MICU3: variants seen among roughly 807,000 people sequenced by gnomAD.
The protein encoded by MICU3 is mitochondrial calcium uptake 3, also known as calcium uptake protein 3, mitochondrial.
A neutral mutation model predicts 66.5 loss-of-function variants in MICU3; 62 were observed. The ratio of observed to expected loss-of-function variants is 0.93; its 90% CI spans 0.76 to 1.15. The LOEUF (loss-of-function observed/expected upper bound fraction) is 1.15, where lower values mean the gene tolerates loss of function less well. Among genes scored for constraint, MICU3 ranks in the 50% most tolerant of loss-of-function variants. The pLI, the probability that MICU3 is intolerant of heterozygous loss-of-function variation, is 0.00. For missense variants in MICU3, 779 were observed against 664.4 expected (o/e 1.17, Z -1.90); for synonymous variants, 308 against 240.7 (o/e 1.28, Z -2.59).
At chr8:17,077,192 G>C (rs1440681643) in intron 3 of MICU3, among the ~76,000 whole-genome samples, 1 of 152,130 alleles carries the variant, frequency 6.6e-6, no homozygotes, top group East Asian at 1.9e-4. Context: ...GTTAAAATTA[G>C]AAACAAATTG....
At chr8:17,081,860 C>T (rs1821237725) in intron 5 of MICU3, 120 bp downstream of exon 5, 2 of 580,888 alleles carry the variant, frequency 3.4e-6, no homozygotes, top group African/African-American at 1.9e-5. Context: ...CTGCAAAATT[C>T]ATGTTTAATG....
rs1223389212 is a variant in MICU3 at position 17,104,723 on chromosome 8, C to T, written c.1085+232C>T. On this transcript the variant is annotated intron_variant, in intron 10 of 14. Transcript: ENST00000318063. ...AAAAATTCCAGATATCGGCCGGGCG[C>T]GGTGGCTCACGCCTGTAATCCCAGC... Among the ~76,000 whole-genome samples, 3 of 35,232 alleles carry T rather than the reference C, an allele frequency of 8.5e-5. 1 individual carries two copies. Among genetic ancestry groups the T allele is most frequent in the Non-Finnish European group, 1.4e-4 (3 of 22,182 alleles). 23.1% of individuals were successfully genotyped at this position (35,232 alleles called of 152,430 possible). A position where few individuals can be genotyped will look rare whatever the true frequency, so the allele number is the denominator to read the frequency against.
At chr8:17,052,428 T>G (rs1234299207) in intron 1 of MICU3, among the ~76,000 whole-genome samples, 1 of 152,204 alleles carries the variant, frequency 6.6e-6, no homozygotes, top group African/African-American at 2.4e-5. Flanking sequence ...CACCCTACTG[T>G]GCTATTGAAC....
At chr8:17,069,910 C>G (rs1286766510) in intron 3 of MICU3, among the ~76,000 whole-genome samples, 191 bp downstream of exon 3, 1 of 151,810 alleles carries the variant, frequency 6.6e-6, no homozygotes, top group Non-Finnish European at 1.5e-5. Context: ...GTGGACGTTT[C>G]TAAGGGCTGG....
chr8:17,094,020 C>T (rs759320211), intron 8 of MICU3, among the ~76,000 whole-genome samples: 1 of 151,960 alleles, frequency 6.6e-6, no homozygotes, highest in African/African-American at 2.4e-5. Context: ...CCCTCAATGT[C>T]CTTCAAAAGA....
intron 9 of MICU3, among the ~76,000 whole-genome samples, chr8:17,102,998 A>G (rs1044148018): frequency 7.2e-5 from 11 of 152,018 alleles, no homozygotes; most frequent in African/African-American, 1.2e-4. Context: ...GTCGATTACT[A>G]AAGAATGTCA....
In MICU3 at chr8:17,069,689, T is replaced by A; in HGVS notation, c.537T>A (p.Val179=). 1.3e-6 allele frequency: 2 copies of A among 1,534,670 alleles called. No individual in the cohort carries two copies. The highest frequency in any genetic ancestry group is 2.6e-5 in the South Asian group (2 of 78,330). ...TTATCTTACATTTGTTTATTTTAGT[T>A]GCCAAAACTTGGAAGTCACTTTCCA... The part of the protein sequence containing the change: ...ILAVTTDEPK[V]AKTWKSLSKQ... Residue 179 remains valine (V), a splice_region_variant and synonymous_variant, in exon 3 of 15, where the codon GTT becomes GTA. Coordinates refer to ENST00000318063, the MANE Select transcript of MICU3 (RefSeq NM_181723.3).
At chr8:17,126,604 G>A (rs1348846945), downstream of MICU3, among the ~76,000 whole-genome samples, 2 of 152,160 alleles carry the variant, frequency 1.3e-5, no homozygotes, top group African/African-American at 4.8e-5. Context: ...AGTATTGTTA[G>A]CATGGGTATG....
chr8:17,095,332 A>G (rs1306492722), intron 8 of MICU3, among the ~76,000 whole-genome samples: 2 of 151,774 alleles, frequency 1.3e-5, no homozygotes, highest in Non-Finnish European at 2.9e-5. Flanking sequence ...TCCTGGGAGG[A>G]TTGTATTCAG....
chr8:17,114,138 A>G lies in MICU3; in HGVS notation c.1303A>G (p.Asn435Asp), dbSNP rs1041369945. The G allele has an allele frequency of 1.2e-6, 2 of 1,612,520 alleles. No individual in the cohort carries two copies. Among genetic ancestry groups the G allele is most frequent in the Non-Finnish European group, 1.7e-6 (2 of 1,179,274 alleles). ...CAGGTCATTTTTCCAGTTTTTAAAC[A>G]ACCTAGAAGACTTTGCAATAGCCCT... The part of the protein sequence containing the change: ...EFRSFFQFLN[N>D]LEDFAIALNM... The change falls in exon 12 of 15, where the codon AAC becomes GAC. Residue 435 changes from asparagine to aspartate, a missense_variant. Coordinates refer to ENST00000318063, the MANE Select transcript of MICU3 (RefSeq NM_181723.3).
Position 17,111,071 on chromosome 8 carries a change from T to C in MICU3, c.1258-3022T>C, listed in dbSNP as rs74680919. Reference sequence around the variant, plus strand: ...GCTGCTGTGAATATATGTGTACATGTAGTTTTGATTTGTATTTCCCCGGGG... The same window carrying C: ...GCTGCTGTGAATATATGTGTACATGCAGTTTTGATTTGTATTTCCCCGGGG... On this transcript the variant is annotated intron_variant, in intron 11 of 14. Coordinates refer to ENST00000318063, the MANE Select transcript of MICU3 (RefSeq NM_181723.3). Among the ~76,000 whole-genome samples the C allele has an allele frequency of 8.8e-3, 1,343 of 152,298 alleles. 14 individuals are homozygous for C. The highest frequency in any genetic ancestry group is 0.027 in the African/African-American group (1,124 of 41,568).
the MICU3 span, among the ~76,000 whole-genome samples, chr8:17,134,666 A>T: frequency 7.0e-4 from 106 of 152,154 alleles, no homozygotes; most frequent in African/African-American, 2.3e-3. Flanking sequence ...GGATGGTCTC[A>T]ATCTCCTGAC....
At chr8:17,051,544 T>C (rs927579674) in intron 1 of MICU3, among the ~76,000 whole-genome samples, 7 of 152,190 alleles carry the variant, frequency 4.6e-5, no homozygotes, top group Non-Finnish European at 7.3e-5. Flanking sequence ...CCTAGGGCAG[T>C]GTAGTTGGGA....
chr8:17,061,575 A>C (rs1293206514), intron 1 of MICU3, among the ~76,000 whole-genome samples: 1 of 152,122 alleles, frequency 6.6e-6, no homozygotes, highest in Non-Finnish European at 1.5e-5. Flanking sequence ...AGAATGGTAG[A>C]TCGAGGCATG....
intron 12 of MICU3, among the ~76,000 whole-genome samples, chr8:17,115,525 T>G (rs901816236): frequency 6.6e-6 from 1 of 152,174 alleles, no homozygotes. Flanking sequence ...GTCACCTGTC[T>G]TGCAGGCGCT....
chr8:17,138,362 G>A, the MICU3 span, among the ~76,000 whole-genome samples: 23 of 152,096 alleles, frequency 1.5e-4, no homozygotes, highest in Non-Finnish European at 2.2e-4. Flanking sequence ...AGAAATAGAG[G>A]TTTAAAGAAC....
intron 1 of MICU3, among the ~76,000 whole-genome samples, chr8:17,061,709 A>G (rs1368388835): frequency 6.6e-6 from 1 of 152,158 alleles, no homozygotes; most frequent in East Asian, 1.9e-4. Flanking sequence ...GCCTAGCAAG[A>G]AAAAAGTAGA....
the MICU3 span, among the ~76,000 whole-genome samples, chr8:17,138,182 G>C: frequency 6.6e-6 from 1 of 152,046 alleles, no homozygotes; most frequent in East Asian, 1.9e-4. Flanking sequence ...TGTCTGATCT[G>C]ATTTCTTGAG....
chr8:17,039,364 G>A (rs868124149), intron 1 of MICU3, among the ~76,000 whole-genome samples: 4 of 152,124 alleles, frequency 2.6e-5, no homozygotes, highest in Admixed American at 6.6e-5. Flanking sequence ...TTATAGTGAG[G>A]GAAGTTACAT....
Sources: allele counts gnomAD v4.1 joint callset (sites outside exome capture counted in the v4.1 genomes callset), GRCh38; gene constraint gnomAD v4.1.1; transcripts MANE v1.5; gene names NCBI Gene and HGNC (gene_info 2026-07-23, HGNC 2026-07-21).